DIAPH2: variants seen among roughly 807,000 people sequenced by gnomAD.
DIAPH2 encodes the protein diaphanous related formin 2, also known as protein diaphanous homolog 2.
A neutral mutation model predicts 92.7 loss-of-function variants in DIAPH2; 35 were observed. The ratio of observed to expected loss-of-function variants is 0.38; its 90% CI spans 0.29 to 0.50. The LOEUF (loss-of-function observed/expected upper bound fraction) is 0.50, where lower values mean the gene tolerates loss of function less well. Among genes scored for constraint, DIAPH2 ranks in the 20% least tolerant of loss-of-function variants. The probability of loss-of-function intolerance (pLI) is 0.94; values close to 1 mark genes in which losing one functional copy is unlikely to be tolerated. For missense variants in DIAPH2, 701 were observed against 819.5 expected (o/e 0.86, Z 1.77); for synonymous variants, 301 against 280.4 (o/e 1.07, Z -0.73).
intron 16 of DIAPH2, among the ~76,000 whole-genome samples, chrX:96,959,495 T>G (rs947266072): frequency 8.9e-6 from 1 of 112,223 alleles, no homozygotes; most frequent in African/African-American, 3.2e-5. Context: ...TGCTATTGTT[T>G]GGGTTTCTTG....
At chrX:97,143,752 G>T (rs1174325809) in intron 22 of DIAPH2, among the ~76,000 whole-genome samples, 1 of 111,402 alleles carries the variant, frequency 9.0e-6, no homozygotes, top group Non-Finnish European at 1.9e-5. Context: ...CAGCCTAGAT[G>T]TCTATCAATG....
At chrX:96,957,725 A>G (rs2065820807) in intron 15 of DIAPH2, 103 bp from the exon 16 acceptor site, 1 of 631,885 alleles carries the variant, frequency 1.6e-6, no homozygotes, top group Non-Finnish European at 2.4e-6. Context: ...ATATGATCTT[A>G]AAACATAAGA....
At chrX:96,685,652 G>C (rs970393615) in intron 1 of DIAPH2, among the ~76,000 whole-genome samples, 2 of 112,191 alleles carry the variant, frequency 1.8e-5, no homozygotes, top group Non-Finnish European at 3.8e-5. Flanking sequence ...AAATCAAGAA[G>C]AACACTATTT....
At chrX:97,551,985 A>G (rs192832058) in intron 26 of DIAPH2, among the ~76,000 whole-genome samples, 17 of 111,799 alleles carry the variant, frequency 1.5e-4, no homozygotes, top group African/African-American at 5.5e-4. Flanking sequence ...TCAGCTAAGG[A>G]TCATGGAAAG....
At chrX:96,962,488 C>T (rs371004518) in intron 16 of DIAPH2, among the ~76,000 whole-genome samples, 550 of 26,998 alleles carry the variant, frequency 0.02, 34 homozygotes, top group African/African-American at 0.058. Context: ...TACACACACA[C>T]ACACACACAT....
At chrX:97,128,996 A>G (rs1327375381) in intron 21 of DIAPH2, among the ~76,000 whole-genome samples, 1 of 110,729 alleles carries the variant, frequency 9.0e-6, no homozygotes, top group Non-Finnish European at 1.9e-5. Flanking sequence ...AAATTCATTT[A>G]TCTTGGGTAA....
intron 22 of DIAPH2, among the ~76,000 whole-genome samples, chrX:97,238,947 A>G (rs957279106): frequency 4.5e-5 from 5 of 111,777 alleles, no homozygotes; most frequent in Middle Eastern, 4.7e-3. Flanking sequence ...TACTTATATA[A>G]TCATGTTTGG....
chrX:96,685,255 T>A (rs1340112317), intron 1 of DIAPH2, 65 bp downstream of exon 1: 1 of 960,244 alleles, frequency 1.0e-6, no homozygotes, highest in Non-Finnish European at 1.3e-6. Context: ...CTCCTGCCAT[T>A]GAACACGGGG....
intron 22 of DIAPH2, among the ~76,000 whole-genome samples, chrX:97,237,620 C>T (rs945954646): frequency 3.7e-5 from 4 of 108,917 alleles, no homozygotes; most frequent in Non-Finnish European, 7.6e-5. Context: ...CTCGCTCTGT[C>T]GCCCAGGCTG....
chrX:97,111,774 G>C (rs1392874960), intron 20 of DIAPH2, among the ~76,000 whole-genome samples: 1 of 111,757 alleles, frequency 8.9e-6, no homozygotes, highest in African/African-American at 3.3e-5. Context: ...GGTAGCGGTT[G>C]AGAGTCTGGG....
At chrX:97,432,296 T>C (rs189475071) in intron 26 of DIAPH2, among the ~76,000 whole-genome samples, 2 of 109,648 alleles carry the variant, frequency 1.8e-5, no homozygotes, top group East Asian at 5.7e-4. Flanking sequence ...TTATTTTTTA[T>C]TTATTATTAT....
chrX:97,451,257 C>T (rs976282261), intron 26 of DIAPH2, among the ~76,000 whole-genome samples: 4 of 111,725 alleles, frequency 3.6e-5, no homozygotes, highest in African/African-American at 1.3e-4. Context: ...TCAGTATCTT[C>T]CCATTTCTTC....
chrX:97,364,841 T>A (rs2069364851), intron 24 of DIAPH2, among the ~76,000 whole-genome samples: 1 of 108,415 alleles, frequency 9.2e-6, no homozygotes, highest in Admixed American at 9.9e-5. Context: ...GTCCTGCATA[T>A]TTTTCTTCCT....
At chrX:97,472,917 C>G (rs1057055089) in intron 26 of DIAPH2, among the ~76,000 whole-genome samples, 3 of 112,053 alleles carry the variant, frequency 2.7e-5, no homozygotes, top group African/African-American at 6.5e-5. Flanking sequence ...CCTGCTAATT[C>G]ACATTTCTCT....
chrX:97,312,904 C>T (rs1003663759), intron 23 of DIAPH2, among the ~76,000 whole-genome samples: 6 of 110,159 alleles, frequency 5.4e-5, no homozygotes, highest in South Asian at 7.9e-4. Flanking sequence ...TTTGGCTGGG[C>T]GCGGTGGCTC....
Position 96,916,549 on chromosome X carries a change from A to G in DIAPH2, c.844A>G (p.Ile282Val). The change falls in exon 8 of 27, where the codon ATT becomes GTT. Residue 282 changes from isoleucine to valine, a missense_variant. Physicochemically the swap from Ile to Val is conservative, Grantham distance 29 (BLOSUM62 3). Around this residue, in one of 3 missense-constraint regions of DIAPH2, gnomAD observed 34 missense variants for 74.7 expected, o/e 0.46. Coordinates refer to ENST00000324765, the MANE Select transcript of DIAPH2 (RefSeq NM_006729.5). The part of the protein sequence containing the change: ...MTEIVKILSA[I>V]CIVGEENILD... ...TGAAATAGTAAAAATACTTTCTGCTATTTGCATTGTTGGAGAAGAGAACAT... is the reference window on the plus strand; with the variant it reads ...TGAAATAGTAAAAATACTTTCTGCTGTTTGCATTGTTGGAGAAGAGAACAT... 2 of 1,202,740 alleles carry G rather than the reference A, an allele frequency of 1.7e-6. No individual in the cohort carries two copies. Among genetic ancestry groups the G allele is most frequent in the Non-Finnish European group, 2.2e-6 (2 of 891,757 alleles).
At chrX:97,073,574 C>T (rs2066684053) in intron 18 of DIAPH2, among the ~76,000 whole-genome samples, 1 of 112,024 alleles carries the variant, frequency 8.9e-6, no homozygotes, top group Non-Finnish European at 1.9e-5. Flanking sequence ...CAGTTAAACC[C>T]ATCTTCATTT....
intron 17 of DIAPH2, among the ~76,000 whole-genome samples, chrX:96,972,587 A>T (rs1348467089): frequency 1.8e-5 from 2 of 111,074 alleles, no homozygotes; most frequent in Non-Finnish European, 3.8e-5. Context: ...CTCACAATCT[A>T]CTGAGAGAGG....
intron 23 of DIAPH2, among the ~76,000 whole-genome samples, chrX:97,269,534 G>A (rs2068367694): frequency 9.0e-6 from 1 of 111,585 alleles, no homozygotes; most frequent in African/African-American, 3.3e-5. Context: ...ATTTAATCCT[G>A]TTCATTCAGG....
Sources: allele counts gnomAD v4.1 joint callset (sites outside exome capture counted in the v4.1 genomes callset), GRCh38; gene constraint gnomAD v4.1.1; regional missense constraint gnomAD v4.1.1; transcripts MANE v1.5; gene names NCBI Gene and HGNC (gene_info 2026-07-23, HGNC 2026-07-21).